Variants in RUSC1 observed in about 807,000 individuals in gnomAD.
The protein encoded by RUSC1 is RUN and SH3 domain containing 1.
A neutral mutation model predicts 72.1 loss-of-function variants in RUSC1; 40 were observed. The observed-to-expected ratio is 0.55, with a 90% CI of 0.43 to 0.72. The LOEUF is 0.72. RUSC1 is among the 30% of genes least tolerant of loss of function. RUSC1 has a pLI of 0.00. For synonymous variants in RUSC1, 512 were observed against 494.2 expected (o/e 1.04, Z -0.48); for missense variants, 1,092 against 1,172.3 (o/e 0.93, Z 1.00).
Position 155,321,768 on chromosome 1 carries a change from A to G in RUSC1, c.-6A>G, listed in dbSNP as rs762158716. 5.0e-6 allele frequency: 8 copies of G among 1,613,882 alleles called. No homozygotes were observed. Among genetic ancestry groups the G allele is most frequent in the Non-Finnish European group, 6.8e-6 (8 of 1,180,008 alleles). ...CTCTAGAAGCCATCCCATCGCCGCT[A>G]GCATCATGCTGTCCCCTCAGAGAGC... On this transcript the variant is annotated 5_prime_UTR_variant, in exon 2 of 10. Coordinates refer to ENST00000368352, the MANE Select transcript of RUSC1 (RefSeq NM_001105203.2).
chr1:155,330,928 C>A lies in RUSC1; in HGVS notation c.*357C>A. 1 of 177,018 alleles carries A rather than the reference C, an allele frequency of 5.6e-6. No homozygotes were observed. Among genetic ancestry groups the A allele is most frequent in the Non-Finnish European group, 1.2e-5 (1 of 81,784 alleles). The allele number at this position is 177,018 out of a possible 1,614,324, so 11.0% of individuals were successfully genotyped here. On this transcript the variant is annotated 3_prime_UTR_variant, in exon 10 of 10. Transcript: ENST00000368352. ...ACAATACATGCCTCAGCCCCCAAGC[C>A]TAGAAGGACCTCTAGTCTCCTTCCT...
At chr1:155,323,172 C>T (rs1436904194) in intron 2 of RUSC1, 42 bp downstream of exon 2, 1 of 1,396,036 alleles carries the variant, frequency 7.2e-7, no homozygotes, top group East Asian at 2.8e-5. Context: ...GGGCTTCGGC[C>T]GCTCACGCCT....
At chr1:155,321,359 G>A in intron 1 of RUSC1, 1 of 1,377,170 alleles carries the variant, frequency 7.3e-7, no homozygotes, top group Non-Finnish European at 9.7e-7. Context: ...TAAGGGGTAG[G>A]CTGGAGGGCA....
rs1244198087 is a variant in RUSC1 at position 155,330,983 on chromosome 1, C to T, written c.*412C>T. ...GGAATCTTCCCCACTCCATCCCTCC[C>T]AAGTTGCCTGTATTGATAATGTACT... is the stretch of plus-strand genomic sequence containing the variant. On this transcript the variant is annotated 3_prime_UTR_variant, in exon 10 of 10. Coordinates refer to ENST00000368352, the MANE Select transcript of RUSC1 (RefSeq NM_001105203.2). 1 of 167,078 alleles carries T rather than the reference C, an allele frequency of 6.0e-6. No homozygotes were observed. The highest frequency in any genetic ancestry group is 1.3e-5 in the Non-Finnish European group (1 of 75,774). The allele number at this position is 167,078 out of a possible 1,614,324, so 10.3% of individuals were successfully genotyped here.
chr1:155,323,280 G>T, intron 2 of RUSC1, 150 bp downstream of exon 2: 1 of 890,118 alleles, frequency 1.1e-6, no homozygotes, highest in Non-Finnish European at 1.6e-6. Context: ...AGGGAAACTG[G>T]GTGGGTCATT....
At chr1:155,328,972 A>T (rs891482492) in intron 9 of RUSC1, among the ~76,000 whole-genome samples, 1 of 152,158 alleles carries the variant, frequency 6.6e-6, no homozygotes, top group Non-Finnish European at 1.5e-5. Flanking sequence ...ACCTCAGGTG[A>T]TCCACCCACC....
intron 1 of RUSC1, 164 bp downstream of exon 1, chr1:155,321,155 G>C (rs780935853): frequency 1.7e-5 from 23 of 1,376,428 alleles, no homozygotes; most frequent in Non-Finnish European, 2.0e-5. Context: ...AGGGGCGAGG[G>C]CGCAGGCTGG....
In RUSC1 at chr1:155,325,099, C is replaced by T; in HGVS notation, c.1457-3C>T. On this transcript the variant is annotated splice_region_variant and splice_polypyrimidine_tract_variant and intron_variant, in intron 3 of 9. Coordinates refer to ENST00000368352, the MANE Select transcript of RUSC1 (RefSeq NM_001105203.2). The surrounding 1 kb of genome is among the most constrained non-coding windows in gnomAD (Gnocchi z 6.5). The stretch of plus-strand genomic sequence containing the variant: ...AGCGTCTTCCCTTTCCCACTCCTCC[C>T]AGGTCTTCTGATAGCCGTCAGCGTC... 1.9e-6 allele frequency: 3 copies of T among 1,614,272 alleles called. No homozygotes were observed. Among genetic ancestry groups the T allele is most frequent in the Non-Finnish European group, 2.5e-6 (3 of 1,180,052 alleles).
chr1:155,321,062 C>T, intron 1 of RUSC1, 71 bp downstream of exon 1: 1 of 1,434,268 alleles, frequency 7.0e-7, no homozygotes, highest in Non-Finnish European at 9.4e-7. Context: ...GACAAGGGAG[C>T]AGGAGAAATG....
At chr1:155,324,557 A>G (rs746253673) in intron 2 of RUSC1, 25 of 1,583,196 alleles carry the variant, frequency 1.6e-5, no homozygotes, top group Middle Eastern at 1.9e-4. Flanking sequence ...GAGCGCGGCC[A>G]TCCCGCTCCC....
chr1:155,324,139 A>C, intron 2 of RUSC1: 1 of 1,296,104 alleles, frequency 7.7e-7, no homozygotes, highest in Non-Finnish European at 9.8e-7. Context: ...TTTGGGTCAC[A>C]CCCTCTGTGG....
chr1:155,323,067 A>C lies in RUSC1; in HGVS notation c.1294A>C (p.Ser432Arg), dbSNP rs1302328916. The C allele has an allele frequency of 1.4e-6, 2 of 1,430,740 alleles. No homozygotes were observed. Among genetic ancestry groups the C allele is most frequent in the African/African-American group, 3.0e-5 (2 of 66,830 alleles). 88.6% of individuals were successfully genotyped at this position (1,430,740 alleles called of 1,614,324 possible). The change falls in exon 2 of 10, where the codon AGC becomes CGC. Residue 432 changes from serine to arginine, a missense_variant. Physicochemically the swap from Ser to Arg is moderately radical, Grantham distance 110. Coordinates refer to ENST00000368352, the MANE Select transcript of RUSC1 (RefSeq NM_001105203.2). ...EGQSEEGRAV[S>R]PAAGEEAPAA... ...GCAGTCCGAGGAGGGCCGGGCTGTC[A>C]GCCCAGCGGCTGGCGAGGAGGCCCC...
Position 155,321,806 on chromosome 1 carries a change from C to A in RUSC1, c.33C>A (p.Asn11Lys). The change falls in exon 2 of 10, where the codon AAC becomes AAA. Residue 11 changes from asparagine to lysine, a missense_variant. Coordinates refer to ENST00000368352, the MANE Select transcript of RUSC1 (RefSeq NM_001105203.2). MLSPQRALLC[N>K]LNHIHLQHVS... is the part of the protein sequence containing the mutation. ...CCCCTCAGAGAGCTTTACTCTGCAA[C>A]CTCAACCACATCCACCTCCAGCACG... 6.2e-7 allele frequency: 1 copy of A among 1,614,036 alleles called. No individual in the cohort carries two copies.
In RUSC1 at chr1:155,330,580, C is replaced by A; in HGVS notation, c.*9C>A. ...CCTCCCTTGTTCTGTAGCCCTGGGA[C>A]CCTTTCCTGCGTATGTGTCTCCTTC... On this transcript the variant is annotated 3_prime_UTR_variant, in exon 10 of 10. Transcript: ENST00000368352. 2 of 1,563,564 alleles carry A rather than the reference C, an allele frequency of 1.3e-6. No homozygotes were observed. The highest frequency in any genetic ancestry group is 8.7e-7 in the Non-Finnish European group (1 of 1,152,130).
intron 9 of RUSC1, among the ~76,000 whole-genome samples, chr1:155,328,773 A>AT (rs1651695909): frequency 1.3e-5 from 2 of 152,030 alleles, no homozygotes; most frequent in South Asian, 4.2e-4. Context: ...TAATTTTTGT[A>AT]TTTTTAGTAG....
At chr1:155,321,636 TC>T in intron 1 of RUSC1, 51 bp from the exon 2 acceptor site, 1 of 1,300,920 alleles carries the variant, frequency 7.7e-7, no homozygotes, top group African/African-American at 1.5e-5. Context: ...TCGGTGTCCT[TC>T]CCCGCAGCTC....
chr1:155,329,464 C>T (rs574504080), intron 9 of RUSC1, among the ~76,000 whole-genome samples: 169 of 147,194 alleles, frequency 1.1e-3, no homozygotes, highest in African/African-American at 4.1e-3. Context: ...ATGATCTCGG[C>T]TCACTGCAAC....
intron 2 of RUSC1, 167 bp from the exon 3 acceptor site, chr1:155,324,678 G>A: frequency 6.5e-7 from 1 of 1,538,496 alleles, no homozygotes; most frequent in Non-Finnish European, 8.7e-7. Flanking sequence ...TTCACTCCGG[G>A]GCTCGGGTCG....
chr1:155,329,012 C>A (rs1651727456), intron 9 of RUSC1, among the ~76,000 whole-genome samples: 1 of 152,102 alleles, frequency 6.6e-6, no homozygotes, highest in African/African-American at 2.4e-5. Flanking sequence ...GGATTACAGG[C>A]ATAGCTACTG....
Sources: allele counts gnomAD v4.1 joint callset (sites outside exome capture counted in the v4.1 genomes callset), GRCh38; gene constraint gnomAD v4.1.1; non-coding constraint Gnocchi (gnomAD v3.1); transcripts MANE v1.5; gene names NCBI Gene and HGNC (gene_info 2026-07-23, HGNC 2026-07-21).